Variants in ABI3BP observed in about 807,000 individuals in gnomAD.
ABI3BP encodes target of Nesh-SH3.
In ABI3BP, 216 loss-of-function variants were observed where a neutral mutation model predicts 268.6. That is an observed-to-expected ratio of 0.80 (90% CI 0.72 to 0.90). ABI3BP has a LOEUF of 0.90. ABI3BP is among the 40% of genes least tolerant of loss of function. The pLI, the probability that ABI3BP is intolerant of heterozygous loss-of-function variation, is 0.00. For synonymous variants in ABI3BP, 730 were observed against 730.0 expected, an observed-to-expected ratio of 1.00 and a Z score of 0.00; for missense variants, 2,090 against 2,182.4, an observed-to-expected ratio of 0.96 and a Z score of 0.84.
rs1042293968 is a variant in ABI3BP at position 100,902,953 on chromosome 3, C to T, written c.260-267G>A. Among the ~76,000 whole-genome samples, 9 of 152,276 alleles carry T rather than the reference C, an allele frequency of 5.9e-5. No homozygotes were observed. The South Asian group carries it at 6.2e-4, about 11-fold the overall frequency. ...AATCATACTATACACAGATTTTAAA[C>T]GCTGTCTTCATCAGTTCTTTTCTCT... On this transcript the variant is annotated intron_variant, in intron 2 of 67. Coordinates refer to ENST00000471714, the MANE Select transcript of ABI3BP (RefSeq NM_001375547.2).
At chr3:100,985,514 A>AT (rs1319164752) in intron 1 of ABI3BP, among the ~76,000 whole-genome samples, 1 of 151,958 alleles carries the variant, frequency 6.6e-6, no homozygotes, top group Non-Finnish European at 1.5e-5. Context: ...TACTATGTTA[A>AT]TTTTTTTCTT....
chr3:100,939,526 C>G (rs1040295089), intron 1 of ABI3BP, among the ~76,000 whole-genome samples: 20 of 151,816 alleles, frequency 1.3e-4, no homozygotes, highest in Admixed American at 1.3e-3. Flanking sequence ...GATGCCCCCA[C>G]AAGCCACAAA....
chr3:100,986,542 C>T (rs2091820158), intron 1 of ABI3BP, among the ~76,000 whole-genome samples: 1 of 152,120 alleles, frequency 6.6e-6, no homozygotes, highest in Non-Finnish European at 1.5e-5. Context: ...TCTCAGCTCA[C>T]TGCAACCTCC....
chr3:100,878,250 A>T (rs890108459), intron 6 of ABI3BP, among the ~76,000 whole-genome samples: 10 of 152,210 alleles, frequency 6.6e-5, no homozygotes, highest in African/African-American at 2.2e-4. Context: ...ACAAATTTGC[A>T]TCCACAGTAT....
intron 20 of ABI3BP, chr3:100,843,935 T>C: frequency 1.0e-6 from 1 of 985,328 alleles, no homozygotes; most frequent in Non-Finnish European, 1.2e-6. Context: ...TAAGGAAAAA[T>C]CTGCATTTTT....
intron 9 of ABI3BP, among the ~76,000 whole-genome samples, chr3:100,873,744 G>A (rs561822641): frequency 6.6e-6 from 1 of 152,326 alleles, no homozygotes; most frequent in South Asian, 2.1e-4. Context: ...AGTAGGGGAG[G>A]AGAAAGTAAG....
chr3:100,815,031 C>A (rs148266090), intron 44 of ABI3BP, among the ~76,000 whole-genome samples: 1 of 152,182 alleles, frequency 6.6e-6, no homozygotes, highest in Non-Finnish European at 1.5e-5. Flanking sequence ...CTCCTTAAAC[C>A]TTCTAAAACC....
intron 62 of ABI3BP, among the ~76,000 whole-genome samples, chr3:100,769,583 T>C (rs1161061855): frequency 6.6e-6 from 1 of 152,192 alleles, no homozygotes; most frequent in Non-Finnish European, 1.5e-5. Flanking sequence ...TATAGATCAT[T>C]TAGTTTCATG....
intron 2 of ABI3BP, among the ~76,000 whole-genome samples, chr3:100,924,598 T>C (rs942937449): frequency 1.3e-5 from 2 of 152,178 alleles, no homozygotes; most frequent in African/African-American, 4.8e-5. Context: ...TTTAATACTC[T>C]TTCCTTGGTT....
chr3:100,924,808 T>C (rs960560210), intron 2 of ABI3BP, among the ~76,000 whole-genome samples: 19 of 152,278 alleles, frequency 1.2e-4, no homozygotes, highest in Admixed American at 6.5e-4. Flanking sequence ...ATTGAACACT[T>C]TTCACCTTAT....
intron 4 of ABI3BP, among the ~76,000 whole-genome samples, chr3:100,895,885 A>G (rs1284911516): frequency 6.6e-6 from 1 of 152,240 alleles, no homozygotes; most frequent in Non-Finnish European, 1.5e-5. Flanking sequence ...TAATATGTAC[A>G]GTATTTCCAG....
At chr3:100,850,544 A>C (rs929911185) in intron 16 of ABI3BP, 116 bp downstream of exon 16, 2 of 744,492 alleles carry the variant, frequency 2.7e-6, no homozygotes, top group African/African-American at 3.5e-5. Context: ...ATTGAGAAAT[A>C]GGATAGATAA....
intron 41 of ABI3BP, among the ~76,000 whole-genome samples, chr3:100,818,047 C>G (rs2098110737): frequency 6.6e-6 from 1 of 152,096 alleles, no homozygotes. Context: ...TTATGGAAGC[C>G]TCTCATTAAA....
chr3:100,835,594 T>C lies in ABI3BP; in HGVS notation c.2191+7A>G, dbSNP rs1158525872. On this transcript the variant is annotated splice_region_variant and intron_variant, in intron 28 of 67. Transcript: ENST00000471714. ...AACTCATACTTAAAGACATAAGAGG[T>C]CATTACCTAATGTTGTCACTGTAGC... 6 of 1,531,356 alleles carry C rather than the reference T, an allele frequency of 3.9e-6. No individual in the cohort carries two copies. The Admixed American group carries it at 1.2e-4, about 30-fold the overall frequency. The allele number at this position is 1,531,356 out of a possible 1,614,324, so 94.9% of individuals were successfully genotyped here. A position where few individuals can be genotyped will look rare whatever the true frequency, so the allele number is the denominator to read the frequency against.
chr3:100,875,350 AGC>A (rs1329046509), intron 8 of ABI3BP, among the ~76,000 whole-genome samples, 156 bp downstream of exon 8: 1 of 152,226 alleles, frequency 6.6e-6, no homozygotes, highest in Non-Finnish European at 1.5e-5. Flanking sequence ...CTTGGCTCCT[AGC>A]CTGGAATGGA....
At chr3:100,816,214 C>G (rs897799861) in intron 43 of ABI3BP, 4 of 486,712 alleles carry the variant, frequency 8.2e-6, no homozygotes, top group African/African-American at 7.9e-5. Context: ...TGAGGTTTTC[C>G]TAGGTATTTG....
intron 1 of ABI3BP, among the ~76,000 whole-genome samples, chr3:100,962,160 C>T (rs1486962561): frequency 1.3e-5 from 2 of 152,172 alleles, no homozygotes; most frequent in East Asian, 1.9e-4. Flanking sequence ...TTTCTTCTGA[C>T]TTCTGTCTCC....
Position 100,752,248 on chromosome 3 carries a change from T to C in ABI3BP, c.5122+539A>G, listed in dbSNP as rs184056844. On this transcript the variant is annotated intron_variant, in intron 66 of 67. Transcript: ENST00000471714. ...GAAGGAGAGGTAAGCTTTAGGAAAA[T>C]AGGAAATATCTTTTATGCTGCTTTG... is the stretch of plus-strand genomic sequence containing the variant. 4.6e-5 allele frequency among the ~76,000 whole-genome samples: 7 copies of C among 152,296 alleles called. No homozygotes were observed. The East Asian group carries it at 1.3e-3, about 29-fold the overall frequency.
chr3:100,769,725 G>A (rs1385362497), intron 62 of ABI3BP, among the ~76,000 whole-genome samples: 3 of 152,120 alleles, frequency 2.0e-5, no homozygotes, highest in Non-Finnish European at 4.4e-5. Flanking sequence ...GTACCTATTA[G>A]CACAGTCCCA....
Sources: gnomAD v4.1 joint callset for allele counts (sites outside exome capture counted in the v4.1 genomes callset) on GRCh38, gnomAD v4.1.1 for gene constraint, MANE v1.5 for transcripts, NCBI Gene and HGNC (gene_info 2026-07-23, HGNC 2026-07-21) for gene names.